CSMD3: variants seen among roughly 807,000 people sequenced by gnomAD.
The protein encoded by CSMD3 is CUB and sushi domain-containing protein 3.
In CSMD3, 177 loss-of-function variants were observed where a neutral mutation model predicts 435.2. That is an observed-to-expected ratio of 0.41 (90% CI 0.36 to 0.46). The LOEUF (loss-of-function observed/expected upper bound fraction) is 0.46. Among genes scored for constraint, CSMD3 ranks in the 20% least tolerant of loss-of-function variants. CSMD3 has a pLI of 0.34. For missense variants in CSMD3, 4,265 were observed against 4,504.6 expected, an observed-to-expected ratio of 0.95 and a Z score of 1.52; for synonymous variants, 1,656 against 1,520.5, an observed-to-expected ratio of 1.09 and a Z score of -2.07.
At chr8:112,477,715 A>G (rs1819203636) in intron 31 of CSMD3, among the ~76,000 whole-genome samples, 1 of 152,194 alleles carries the variant, frequency 6.6e-6, no homozygotes, top group African/African-American at 2.4e-5. Context: ...GCAGATGGTG[A>G]AGCCATGCTT....
At chr8:113,105,685 T>C (rs1315979177) in intron 4 of CSMD3, among the ~76,000 whole-genome samples, 1 of 152,064 alleles carries the variant, frequency 6.6e-6, no homozygotes, top group African/African-American at 2.4e-5. Flanking sequence ...TGCACTTCAG[T>C]AGAGAGGGTA....
intron 13 of CSMD3, among the ~76,000 whole-genome samples, chr8:112,735,651 G>A (rs2077170741): frequency 2.0e-5 from 3 of 151,972 alleles, no homozygotes; most frequent in Non-Finnish European, 2.9e-5. Flanking sequence ...GCTAAAAAGT[G>A]CTTGAAACTT....
intron 5 of CSMD3, among the ~76,000 whole-genome samples, chr8:113,026,420 T>A (rs778733151): frequency 6.6e-6 from 1 of 152,212 alleles, no homozygotes. Flanking sequence ...ATTCATTGTT[T>A]TGGTCCTTTG....
At chr8:112,235,308 C>A (rs951112791) in intron 67 of CSMD3, among the ~76,000 whole-genome samples, 1 of 151,974 alleles carries the variant, frequency 6.6e-6, no homozygotes, top group African/African-American at 2.4e-5. Context: ...GGCTTGAGCC[C>A]AGGAGCCGGA....
chr8:112,839,330 AC>A (rs144171445), intron 11 of CSMD3, among the ~76,000 whole-genome samples: 75 of 151,932 alleles, frequency 4.9e-4, no homozygotes, highest in African/African-American at 1.8e-3. Flanking sequence ...ATGACAGATT[AC>A]ATAAAGCACT....
chr8:113,265,847 C>T (rs2093466064), intron 3 of CSMD3, among the ~76,000 whole-genome samples: 1 of 151,356 alleles, frequency 6.6e-6, no homozygotes, highest in Non-Finnish European at 1.5e-5. Context: ...CCTCTAAAGA[C>T]AAAAGATTCG....
intron 53 of CSMD3, 58 bp from the exon 54 acceptor site, chr8:112,296,064 T>A (rs2130717933): frequency 2.7e-5 from 36 of 1,326,984 alleles, no homozygotes; most frequent in South Asian, 3.7e-5. Context: ...TTTGTATATT[T>A]ATATACATGT....
At chr8:112,841,103 G>A (rs1788342776) in intron 11 of CSMD3, among the ~76,000 whole-genome samples, 1 of 151,654 alleles carries the variant, frequency 6.6e-6, no homozygotes, top group Non-Finnish European at 1.5e-5. Flanking sequence ...GATAGAGGAG[G>A]TGAGGGTGAG....
At chr8:113,372,883 G>A (rs1467193794) in intron 1 of CSMD3, among the ~76,000 whole-genome samples, 6 of 149,094 alleles carry the variant, frequency 4.0e-5, no homozygotes, top group Non-Finnish European at 5.9e-5. Flanking sequence ...GCAGTGAGCC[G>A]AGATTGCGCC....
At chr8:112,719,460 C>T (rs1463150428) in intron 13 of CSMD3, among the ~76,000 whole-genome samples, 1 of 152,112 alleles carries the variant, frequency 6.6e-6, no homozygotes, top group African/African-American at 2.4e-5. Context: ...AGTCTAAGAT[C>T]GGGGTGCTGG....
chr8:112,775,951 T>C (rs1038072374), intron 13 of CSMD3, among the ~76,000 whole-genome samples: 5 of 151,890 alleles, frequency 3.3e-5, no homozygotes, highest in African/African-American at 1.2e-4. Context: ...CAGTATTTTG[T>C]AGGATTACAA....
At position 112,336,937 on chromosome 8, in the gene CSMD3, T is replaced by A; in HGVS notation, c.6842-108A>T. The A allele has an allele frequency of 6.4e-6, 6 of 936,794 alleles. No individual in the cohort carries two copies. The South Asian group carries it at 8.4e-5, about 13-fold the overall frequency. 58.0% of individuals were successfully genotyped at this position (936,794 alleles called of 1,614,324 possible). On this transcript the variant is annotated intron_variant, in intron 43 of 70. Coordinates refer to ENST00000297405, the MANE Select transcript of CSMD3 (RefSeq NM_198123.2). ...TCTTAAGCATTATGAAACACATTTA[T>A]GCCTTGTTTTTACTTCAGTTGAGGT...
intron 4 of CSMD3, among the ~76,000 whole-genome samples, chr8:113,155,274 G>C (rs1025934790): frequency 3.3e-5 from 5 of 151,966 alleles, no homozygotes; most frequent in Non-Finnish European, 5.9e-5. Context: ...CCATTCTCCA[G>C]TTCCTTAATT....
At chr8:112,598,507 G>T (rs1412740740) in intron 22 of CSMD3, among the ~76,000 whole-genome samples, 2 of 148,426 alleles carry the variant, frequency 1.3e-5, no homozygotes, top group African/African-American at 5.0e-5. Flanking sequence ...TCACAGAATT[G>T]GAAAAAACTA....
chr8:113,074,335 A>T (rs1256629923), intron 5 of CSMD3, among the ~76,000 whole-genome samples: 3 of 151,860 alleles, frequency 2.0e-5, no homozygotes, highest in African/African-American at 7.2e-5. Context: ...TGTCTTTCTA[A>T]AAAAGAAAAT....
intron 13 of CSMD3, among the ~76,000 whole-genome samples, chr8:112,694,170 T>G (rs375543464): frequency 1.8e-4 from 27 of 152,004 alleles, no homozygotes; most frequent in African/African-American, 6.3e-4. Flanking sequence ...TTGGATTTAA[T>G]GAGAAGTGTA....
At chr8:112,413,176 G>C (rs1008421572) in intron 32 of CSMD3, among the ~76,000 whole-genome samples, 1 of 152,068 alleles carries the variant, frequency 6.6e-6, no homozygotes, top group African/African-American at 2.4e-5. Flanking sequence ...CAATTTTAAA[G>C]TATTTTCCTA....
intron 2 of CSMD3, among the ~76,000 whole-genome samples, chr8:113,299,174 G>T (rs939081592): frequency 6.6e-6 from 1 of 151,950 alleles, no homozygotes; most frequent in Non-Finnish European, 1.5e-5. Flanking sequence ...TAACCAATTT[G>T]GTTTCAACTG....
chr8:113,427,122 T>C (rs1226864210), intron 1 of CSMD3, among the ~76,000 whole-genome samples: 1 of 151,404 alleles, frequency 6.6e-6, no homozygotes, highest in African/African-American at 2.4e-5. Flanking sequence ...AGAAAAAGGC[T>C]AGTTTATATT....
Sources: gnomAD v4.1 joint callset for allele counts (sites outside exome capture counted in the v4.1 genomes callset) on GRCh38, gnomAD v4.1.1 for gene constraint, MANE v1.5 for transcripts, NCBI Gene and HGNC (gene_info 2026-07-23, HGNC 2026-07-21) for gene names.